Variants in KCNJ4 observed in about 807,000 individuals in gnomAD.
KCNJ4 encodes inward rectifier potassium channel 4.
Under a neutral mutation model 25.6 loss-of-function variants are expected in KCNJ4, and 3 were observed. The ratio of observed to expected loss-of-function variants is 0.12; its 90% CI spans 0.05 to 0.30. The LOEUF (loss-of-function observed/expected upper bound fraction) is 0.30. Among genes scored for constraint, KCNJ4 ranks in the 10% least tolerant of loss-of-function variants. The pLI is 1.00. For missense variants in KCNJ4, 286 were observed against 666.8 expected (o/e 0.43, Z 6.29); for synonymous variants, 257 against 283.9 (o/e 0.91, Z 0.95).
Position 38,427,072 on chromosome 22 carries a change from T to C in KCNJ4, c.1061A>G (p.Gln354Arg). 6.2e-7 allele frequency: 1 copy of C among 1,612,706 alleles called. No homozygotes were observed. Among genetic ancestry groups the C allele is most frequent in the Non-Finnish European group, 8.5e-7 (1 of 1,179,902 alleles). The change falls in exon 2 of 2, where the codon CAG becomes CGG. Residue 354 changes from glutamine to arginine, a missense_variant. Gln to Arg is a conservative substitution (Grantham distance 43). Around this residue, in one of 11 missense-constraint regions of KCNJ4, gnomAD observed 36 missense variants for 100.1 expected, o/e 0.36. Coordinates refer to ENST00000303592, the MANE Select transcript of KCNJ4 (RefSeq NM_152868.3). ...GGGCAGCACGGTGATCTTACTCTCCTGCAGCTCCCGGGCCGAGCAGCAGGG... is the reference window on the plus strand; with the variant it reads ...GGGCAGCACGGTGATCTTACTCTCCCGCAGCTCCCGGGCCGAGCAGCAGGG... ...GTPCCSAREL[Q>R]ESKITVLPAP...
intron 1 of KCNJ4, among the ~76,000 whole-genome samples, chr22:38,433,537 A>T (rs2093056479): frequency 6.6e-6 from 1 of 152,170 alleles, no homozygotes; most frequent in Admixed American, 6.5e-5. Context: ...GGCTGGTCTC[A>T]AACTCCTGGT....
chr22:38,427,480 T>C lies in KCNJ4; in HGVS notation c.653A>G (p.His218Arg), dbSNP rs1443306652. ...GGGCTTGATGAGCTGGGCCCGCACG[T>C]GGGCCTCCACAATGTGGCTCTTGCG... ...NLRKSHIVEA[H>R]VRAQLIKPYM... Residue 218 changes from histidine to arginine, a missense_variant, in exon 2 of 2, where the codon CAC becomes CGC. His to Arg is a conservative substitution (Grantham distance 29). Coordinates refer to ENST00000303592, the MANE Select transcript of KCNJ4 (RefSeq NM_152868.3). 1 of 1,612,162 alleles carries C rather than the reference T, an allele frequency of 6.2e-7. No individual in the cohort carries two copies. The highest frequency in any genetic ancestry group is 8.5e-7 in the Non-Finnish European group (1 of 1,178,964).
chr22:38,453,445 T>C (rs1390989430), intron 1 of KCNJ4, among the ~76,000 whole-genome samples: 1 of 152,132 alleles, frequency 6.6e-6, no homozygotes, highest in Admixed American at 6.5e-5. Flanking sequence ...GTACCCCAGA[T>C]TCCCCCTCTA....
chr22:38,442,690 C>A (rs1453689224), intron 1 of KCNJ4, among the ~76,000 whole-genome samples: 1 of 152,192 alleles, frequency 6.6e-6, no homozygotes, highest in Non-Finnish European at 1.5e-5. Context: ...AGGCATGCTG[C>A]CAAGGCGAAC....
chr22:38,438,226 C>A (rs1217297696), intron 1 of KCNJ4, among the ~76,000 whole-genome samples: 1 of 119,590 alleles, frequency 8.4e-6, no homozygotes, highest in African/African-American at 3.5e-5. Context: ...GGCGACAGAG[C>A]GATACTCTGT....
Position 38,443,410 on chromosome 22 carries a change from T to C in KCNJ4, c.-40+11570A>G, listed in dbSNP as rs1276069866. On this transcript the variant is annotated intron_variant, in intron 1 of 1. Transcript: ENST00000303592. The surrounding 1 kb of genome is among the most constrained non-coding windows in gnomAD (Gnocchi z 4.1). ...CCTGCTCCCTGTGTCTGCTGGACAGTGAAGAGGCATCGCGAACCCGGCACT... is the reference window on the plus strand; with the variant it reads ...CCTGCTCCCTGTGTCTGCTGGACAGCGAAGAGGCATCGCGAACCCGGCACT... 1.3e-5 allele frequency among the ~76,000 whole-genome samples: 2 copies of C among 152,088 alleles called. No homozygotes were observed. Among genetic ancestry groups the C allele is most frequent in the African/African-American group, 4.8e-5 (2 of 41,402 alleles).
At chr22:38,453,566 C>T (rs969601881) in intron 1 of KCNJ4, among the ~76,000 whole-genome samples, 2 of 152,166 alleles carry the variant, frequency 1.3e-5, no homozygotes. Context: ...GTCTTTACTC[C>T]CATCTCCCCA....
intron 1 of KCNJ4, among the ~76,000 whole-genome samples, chr22:38,434,926 T>A (rs1438826363): frequency 6.6e-6 from 1 of 152,226 alleles, no homozygotes; most frequent in Non-Finnish European, 1.5e-5. Context: ...CGCTGCTGAA[T>A]GAACATGACA....
intron 1 of KCNJ4, 136 bp from the exon 2 acceptor site, chr22:38,428,307 G>A (rs1259792313): frequency 8.6e-6 from 7 of 814,810 alleles, no homozygotes; most frequent in South Asian, 1.8e-5. Context: ...CCCGGCAGGC[G>A]GAGGGTGGCA....
At chr22:38,430,700 C>G (rs2093047028) in intron 1 of KCNJ4, among the ~76,000 whole-genome samples, 1 of 152,200 alleles carries the variant, frequency 6.6e-6, no homozygotes, top group African/African-American at 2.4e-5. Flanking sequence ...GGCACACCTT[C>G]TGCTCTGTAA....
intron 1 of KCNJ4, among the ~76,000 whole-genome samples, chr22:38,428,488 T>C (rs968024068): frequency 6.6e-6 from 1 of 152,196 alleles, no homozygotes; most frequent in Non-Finnish European, 1.5e-5. Flanking sequence ...GGAAGCTTCC[T>C]GATGCCCATC....
Position 38,426,515 on chromosome 22 carries a change from A to C in KCNJ4, c.*280T>G. ...CCAAGGTTCTGAGAGCAAAGAGGGC[A>C]CGTCCTTGAAGAGTCAGTGGGGGAA... On this transcript the variant is annotated 3_prime_UTR_variant, in exon 2 of 2. Transcript: ENST00000303592. 2 of 270,360 alleles carry C rather than the reference A, an allele frequency of 7.4e-6. No homozygotes were observed. Among genetic ancestry groups the C allele is most frequent in the East Asian group, 7.5e-5 (1 of 13,248 alleles). 16.7% of individuals were successfully genotyped at this position (270,360 alleles called of 1,614,324 possible).
intron 1 of KCNJ4, among the ~76,000 whole-genome samples, chr22:38,432,606 G>C (rs2093053628): frequency 6.6e-6 from 1 of 152,112 alleles, no homozygotes; most frequent in Admixed American, 6.5e-5. Flanking sequence ...CAGAGGGATT[G>C]GTGAAATGGG....
chr22:38,435,258 T>C (rs572868587), intron 1 of KCNJ4, among the ~76,000 whole-genome samples: 3 of 152,208 alleles, frequency 2.0e-5, no homozygotes, highest in Admixed American at 6.5e-5. Context: ...CTCCTGGGCC[T>C]AGATGGGGAG....
chr22:38,442,937 C>T (rs1219477104), intron 1 of KCNJ4, among the ~76,000 whole-genome samples: 1 of 152,074 alleles, frequency 6.6e-6, no homozygotes, highest in Non-Finnish European at 1.5e-5. Context: ...GAGACAGGGC[C>T]TCCCTATGTT....
At chr22:38,444,695 T>G (rs749783880) in intron 1 of KCNJ4, among the ~76,000 whole-genome samples, 16 of 152,176 alleles carry the variant, frequency 1.1e-4, no homozygotes, top group Non-Finnish European at 2.1e-4. Context: ...CATGACTCAA[T>G]GCTGGGCCAC....
At chr22:38,446,325 C>T (rs1392662120) in intron 1 of KCNJ4, among the ~76,000 whole-genome samples, 1 of 152,246 alleles carries the variant, frequency 6.6e-6, no homozygotes, top group African/African-American at 2.4e-5. Flanking sequence ...GCTGCCCAGC[C>T]ACTGCCGGGT....
Position 38,426,873 on chromosome 22 carries a change from G to A in KCNJ4, c.1260C>T (p.Gly420=). The A allele has an allele frequency of 6.2e-7, 1 of 1,613,396 alleles. No homozygotes were observed. Among genetic ancestry groups the A allele is most frequent in the Non-Finnish European group, 8.5e-7 (1 of 1,179,964 alleles). ...EAGIIRMLEF[G]SHLDLERMQA... is the part of the protein sequence containing the mutation. ...GCATGCGCTCCAGGTCCAGGTGGCT[G>A]CCGAACTCCAGCATCCGGATGATGC... Residue 420 remains glycine, a synonymous_variant, in exon 2 of 2, where the codon GGC becomes GGT. Transcript: ENST00000303592.
Position 38,426,948 on chromosome 22 carries a change from G to GGCC in KCNJ4, c.1182_1184dup (p.Ala396dup). The stretch of plus-strand genomic sequence containing the variant: ...CCAGGCCCAGGCCTGCGGCCACCGC[G>GGCC]GCCGCCGCAGCTGCCTCCTCCTCCA... On this transcript the variant is annotated inframe_insertion, in exon 2 of 2. Coordinates refer to ENST00000303592, the MANE Select transcript of KCNJ4 (RefSeq NM_152868.3). 2 of 1,612,498 alleles carry GGCC rather than the reference G, an allele frequency of 1.2e-6. No homozygotes were observed. Among genetic ancestry groups the GGCC allele is most frequent in the African/African-American group, 2.7e-5 (2 of 74,982 alleles).
Sources: gnomAD v4.1 joint callset for allele counts (sites outside exome capture counted in the v4.1 genomes callset) on GRCh38, gnomAD v4.1.1 for gene constraint, gnomAD v4.1.1 regional missense constraint, Gnocchi (gnomAD v3.1) non-coding constraint, MANE v1.5 for transcripts, NCBI Gene and HGNC (gene_info 2026-07-23, HGNC 2026-07-21) for gene names.